Variants in SLC9A7 observed in about 807,000 individuals in gnomAD.
SLC9A7 encodes solute carrier family 9 member A7, also known as sodium/hydrogen exchanger 7.
SLC9A7 carries 19 observed loss-of-function variants against 52.6 expected under a neutral mutation model. The ratio of observed to expected loss-of-function variants is 0.36; its 90% CI spans 0.25 to 0.53. The LOEUF (loss-of-function observed/expected upper bound fraction) is 0.53, where lower values mean the gene tolerates loss of function less well. SLC9A7 is among the 20% of genes least tolerant of loss of function. The pLI, the probability that SLC9A7 is intolerant of heterozygous loss-of-function variation, is 0.91. For synonymous variants in SLC9A7, 226 were observed against 252.1 expected (o/e 0.90, Z 0.98); for missense variants, 455 against 597.9 (o/e 0.76, Z 2.49).
intron 1 of SLC9A7, among the ~76,000 whole-genome samples, chrX:46,748,355 A>G (rs200470681): frequency 1.0e-4 from 6 of 59,964 alleles, no homozygotes; most frequent in African/African-American, 3.1e-4. Flanking sequence ...AAAAAAAAAA[A>G]AAAGAAAGAA....
chrX:46,730,691 T>TATATATATAG (rs1569524463), intron 1 of SLC9A7, among the ~76,000 whole-genome samples: 40 of 72,453 alleles, frequency 5.5e-4, no homozygotes, highest in African/African-American at 1.9e-3. Context: ...TATATATATA[T>TATATATATAG]ATATATATAT....
intron 1 of SLC9A7, among the ~76,000 whole-genome samples, chrX:46,756,345 G>A (rs1189255755): frequency 8.9e-6 from 1 of 112,048 alleles, no homozygotes; most frequent in Non-Finnish European, 1.9e-5. Context: ...GAGAAGTCTT[G>A]AAAAATCTTT....
chrX:46,757,094 T>C (rs1469274271), intron 1 of SLC9A7, among the ~76,000 whole-genome samples: 2 of 112,186 alleles, frequency 1.8e-5, no homozygotes, highest in Non-Finnish European at 3.8e-5. Context: ...TAAATAAAAA[T>C]ATTTTCACGG....
chrX:46,730,979 G>C (rs973961331), intron 1 of SLC9A7, among the ~76,000 whole-genome samples: 2 of 107,854 alleles, frequency 1.9e-5, no homozygotes, highest in Non-Finnish European at 3.8e-5. Flanking sequence ...GCTAATTTTA[G>C]AGTCATACAC....
chrX:46,616,062 T>C (rs1247127693), intron 15 of SLC9A7, among the ~76,000 whole-genome samples: 6 of 109,179 alleles, frequency 5.5e-5, no homozygotes. Flanking sequence ...GGCTCAGGCA[T>C]GTAATCCCAG....
intron 1 of SLC9A7, 112 bp from the exon 2 acceptor site, chrX:46,682,647 T>C (rs1019350147): frequency 3.8e-5 from 25 of 661,004 alleles, no homozygotes; most frequent in Admixed American, 1.9e-4. Context: ...TCTTAGAAAC[T>C]GGGCATGGGG....
chrX:46,661,130 C>A (rs1602195204), intron 7 of SLC9A7, among the ~76,000 whole-genome samples: 1 of 109,594 alleles, frequency 9.1e-6, no homozygotes, highest in Non-Finnish European at 1.9e-5. Flanking sequence ...GAACAAAAAA[C>A]CAAACGCTGC....
chrX:46,645,751 C>T (rs921019676), intron 11 of SLC9A7, among the ~76,000 whole-genome samples: 1 of 108,370 alleles, frequency 9.2e-6, no homozygotes, highest in Non-Finnish European at 1.9e-5. Flanking sequence ...ATTCAGAAAA[C>T]AGGCAGTGAA....
chrX:46,601,036 A>G lies in SLC9A7; in HGVS notation c.*5916T>C, dbSNP rs1217753350. 1 of 112,525 alleles carries G rather than the reference A, an allele frequency of 8.9e-6. No homozygotes were observed. The highest frequency in any genetic ancestry group is 1.9e-5 in the Non-Finnish European group (1 of 53,375). The allele number at this position is 112,525 out of a possible 1,213,427, so 9.3% of individuals were successfully genotyped here. A position where few individuals can be genotyped will look rare whatever the true frequency, so the allele number is the denominator to read the frequency against. On this transcript the variant is annotated 3_prime_UTR_variant, in exon 17 of 17. Transcript: ENST00000616978. ...GTTCCTGAACTAATTAATCTATAGA[A>G]TCAACATCAAAAGGCAGACAAGAAA...
intron 4 of SLC9A7, 44 bp downstream of exon 4, chrX:46,672,507 A>G: frequency 9.9e-7 from 1 of 1,014,623 alleles, no homozygotes; most frequent in Non-Finnish European, 1.4e-6. Flanking sequence ...TCTCATCCCT[A>G]TGGAACGTGT....
chrX:46,730,027 C>T (rs1309395543), intron 1 of SLC9A7, among the ~76,000 whole-genome samples: 3 of 111,412 alleles, frequency 2.7e-5, no homozygotes, highest in Non-Finnish European at 3.8e-5. Context: ...TTAACTTTCA[C>T]GGTTTCAAGT....
At chrX:46,658,392 T>G (rs1329225051) in intron 7 of SLC9A7, among the ~76,000 whole-genome samples, 4 of 104,351 alleles carry the variant, frequency 3.8e-5, no homozygotes, top group East Asian at 3.0e-4. Flanking sequence ...CTGAAGGAAA[T>G]AGAGACACAA....
intron 10 of SLC9A7, among the ~76,000 whole-genome samples, chrX:46,650,586 A>G (rs1232374807): frequency 9.0e-6 from 1 of 111,285 alleles, no homozygotes; most frequent in Admixed American, 9.5e-5. Flanking sequence ...GCCTGCAGGC[A>G]ACCCTGGGCA....
At chrX:46,611,733 C>G (rs1176035925) in intron 16 of SLC9A7, among the ~76,000 whole-genome samples, 7 of 112,233 alleles carry the variant, frequency 6.2e-5, no homozygotes, top group Non-Finnish European at 9.4e-5. Context: ...ACACAGAGCT[C>G]TCTGCAGCAG....
rs1169970455 is a variant in SLC9A7 at position 46,738,107 on chromosome X, GAGA to G, written c.325+20595_325+20597del. On this transcript the variant is annotated intron_variant, in intron 1 of 16. Transcript: ENST00000616978. ...AGAAAGAAAGAAAGAAAGAAAGAAA[GAGA>G]AAAGAAAAGAAAAGTTTGGACATCT... Among the ~76,000 whole-genome samples the G allele has an allele frequency of 2.8e-3, 134 of 47,458 alleles. 2 individuals are homozygous for G. The highest frequency in any genetic ancestry group is 5.8e-3 in the African/African-American group (127 of 22,014). 41.2% of individuals were successfully genotyped at this position (47,458 alleles called of 115,157 possible).
chrX:46,631,077 T>C (rs1176267052), intron 14 of SLC9A7, among the ~76,000 whole-genome samples: 2 of 112,246 alleles, frequency 1.8e-5, no homozygotes, highest in Non-Finnish European at 3.8e-5. Flanking sequence ...CTCCTGGTTT[T>C]CCCACCTGGG....
chrX:46,692,796 A>G (rs1944398200), intron 1 of SLC9A7, among the ~76,000 whole-genome samples: 1 of 111,647 alleles, frequency 9.0e-6, no homozygotes, highest in Non-Finnish European at 1.9e-5. Flanking sequence ...TTAAATACAG[A>G]CAGTGAGGGG....
At chrX:46,700,912 C>CT in intron 1 of SLC9A7, among the ~76,000 whole-genome samples, 1 of 111,664 alleles carries the variant, frequency 9.0e-6, no homozygotes, top group East Asian at 2.8e-4. Flanking sequence ...TTTTAAGTTT[C>CT]TTTTTCCCTC....
At chrX:46,678,000 C>T (rs1035981254) in intron 3 of SLC9A7, among the ~76,000 whole-genome samples, 3 of 111,813 alleles carry the variant, frequency 2.7e-5, no homozygotes, top group African/African-American at 6.5e-5. Context: ...TTGTTTTTCA[C>T]GGCAAGATCT....
Sources: allele counts gnomAD v4.1 joint callset (sites outside exome capture counted in the v4.1 genomes callset), GRCh38; gene constraint gnomAD v4.1.1; transcripts MANE v1.5; gene names NCBI Gene and HGNC (gene_info 2026-07-23, HGNC 2026-07-21).